The following ZNF254 variants were observed in gnomAD, a reference collection of about 807,000 sequenced individuals.
ZNF254 encodes zinc finger protein 254, also known as CTD-2017D11.1.
A neutral mutation model predicts 12.4 loss-of-function variants in ZNF254; 10 were observed. The ratio of observed to expected loss-of-function variants is 0.80; its 90% CI spans 0.50 to 1.36. The LOEUF is 1.36. ZNF254 is among the 40% of genes most tolerant of loss of function. ZNF254 has a pLI of 0.00. For synonymous variants in ZNF254, 305 were observed against 253.4 expected (o/e 1.20, Z -1.93); for missense variants, 996 against 763.9 (o/e 1.30, Z -3.58).
At chr19:24,102,663 G>GA (rs1973105949) in intron 1 of ZNF254, among the ~76,000 whole-genome samples, 2 of 152,070 alleles carry the variant, frequency 1.3e-5, no homozygotes, top group South Asian at 4.1e-4. Flanking sequence ...CAGATAAATG[G>GA]AAAAATAACA....
chr19:24,093,766 C>G (rs1217544276), intron 1 of ZNF254, among the ~76,000 whole-genome samples: 1 of 151,990 alleles, frequency 6.6e-6, no homozygotes, highest in Non-Finnish European at 1.5e-5. Flanking sequence ...CTTGGCTATT[C>G]AGACTCTTTG....
intron 3 of ZNF254, among the ~76,000 whole-genome samples, chr19:24,113,643 C>G (rs1357529285): frequency 2.0e-5 from 3 of 152,140 alleles, no homozygotes; most frequent in Non-Finnish European, 4.4e-5. Flanking sequence ...GATGCCCTCT[C>G]TCAACACTCC....
intron 1 of ZNF254, among the ~76,000 whole-genome samples, chr19:24,040,632 T>C (rs540247250): frequency 5.9e-5 from 9 of 152,320 alleles, no homozygotes; most frequent in African/African-American, 1.4e-4. Context: ...TCAAAATTTT[T>C]TGAGGCTTAA....
intron 1 of ZNF254, among the ~76,000 whole-genome samples, chr19:24,089,810 G>T (rs1051441275): frequency 1.3e-5 from 2 of 151,964 alleles, no homozygotes; most frequent in Non-Finnish European, 2.9e-5. Context: ...TACCAGTATT[G>T]AGGAGAAAAC....
At chr19:24,087,668 G>A (rs1972111273) in intron 1 of ZNF254, among the ~76,000 whole-genome samples, 1 of 152,150 alleles carries the variant, frequency 6.6e-6, no homozygotes. Context: ...TTCATGAACG[G>A]GAAGAGCTTT....
intron 1 of ZNF254, among the ~76,000 whole-genome samples, chr19:24,097,007 A>G (rs1308922416): frequency 1.3e-5 from 2 of 152,166 alleles, no homozygotes; most frequent in Admixed American, 1.3e-4. Context: ...CCACATTAAG[A>G]TAAGAGAAAA....
At chr19:24,060,982 T>A (rs936105051) in intron 2 of ZNF254, among the ~76,000 whole-genome samples, 2 of 152,252 alleles carry the variant, frequency 1.3e-5, no homozygotes, top group Middle Eastern at 3.4e-3. Context: ...CTACCCTCAT[T>A]GATTTTTGTG....
intron 1 of ZNF254, among the ~76,000 whole-genome samples, chr19:24,038,783 T>G (rs1906841044): frequency 6.6e-6 from 1 of 152,222 alleles, no homozygotes. Flanking sequence ...TAGCATACTT[T>G]TACCAGATTT....
chr19:24,121,579 C>T (rs1461002668), intron 3 of ZNF254, among the ~76,000 whole-genome samples: 1 of 151,774 alleles, frequency 6.6e-6, no homozygotes, highest in Non-Finnish European at 1.5e-5. Flanking sequence ...TTTTTTGAGA[C>T]AGAGTTTTGC....
intron 1 of ZNF254, among the ~76,000 whole-genome samples, chr19:24,093,389 T>C (rs977173002): frequency 6.6e-6 from 1 of 152,152 alleles, no homozygotes; most frequent in African/African-American, 2.4e-5. Flanking sequence ...TAGAATGACA[T>C]TTCCTAAGTT....
At chr19:24,098,661 T>G (rs1972812547) in intron 1 of ZNF254, 1 of 152,214 alleles carries the variant, frequency 6.6e-6, no homozygotes, top group Admixed American at 6.5e-5. Context: ...ATATCTAATC[T>G]CAGGTTTTTT....
At chr19:24,056,464 G>T (rs59206840) in intron 2 of ZNF254, among the ~76,000 whole-genome samples, 22,553 of 152,066 alleles carry the variant, frequency 0.15, 1,928 homozygotes, top group Middle Eastern at 0.23. Context: ...CAAGGGAGAT[G>T]GAGACATATT....
intron 3 of ZNF254, among the ~76,000 whole-genome samples, chr19:24,113,958 T>C (rs970169510): frequency 2.0e-5 from 3 of 152,010 alleles, no homozygotes; most frequent in African/African-American, 7.2e-5. Flanking sequence ...TACCTAGGAA[T>C]CCAACTTACA....
chr19:24,105,919 G>A lies in ZNF254; in HGVS notation c.31-21G>A, dbSNP rs748363396. On this transcript the variant is annotated intron_variant, in intron 1 of 3. Coordinates refer to ENST00000357002, the MANE Select transcript of ZNF254 (RefSeq NM_203282.4). ...GCCGATAGCCACTTTGTAAATATGTGTGTTTGTGTGTGTTTTCCAGGGACT... is the reference window on the plus strand; with the variant it reads ...GCCGATAGCCACTTTGTAAATATGTATGTTTGTGTGTGTTTTCCAGGGACT... The A allele has an allele frequency of 5.7e-6, 9 of 1,579,494 alleles. No individual in the cohort carries two copies. In the Admixed American group the frequency reaches 1.4e-4, roughly 24 times the overall value.
At chr19:24,058,273 C>T (rs1261202123) in intron 2 of ZNF254, among the ~76,000 whole-genome samples, 4 of 152,158 alleles carry the variant, frequency 2.6e-5, no homozygotes, top group Admixed American at 6.6e-5. Flanking sequence ...CAGATGGAAT[C>T]GTGACATATC....
chr19:24,041,444 GA>G (rs1286767976), intron 1 of ZNF254, among the ~76,000 whole-genome samples: 12 of 152,232 alleles, frequency 7.9e-5, no homozygotes, highest in African/African-American at 2.9e-4. Flanking sequence ...GGCAATGGGG[GA>G]CTTAGCACCC....
intron 3 of ZNF254, among the ~76,000 whole-genome samples, chr19:24,118,859 C>T (rs944976700): frequency 6.6e-6 from 1 of 152,040 alleles, no homozygotes; most frequent in African/African-American, 2.4e-5. Flanking sequence ...CACCTATAAT[C>T]CTAGCACTTT....
chr19:24,050,125 A>C lies in ZNF254; in HGVS notation c.-94+3846A>C, dbSNP rs532235327. ...ATTGTAACATATCTGGGGCCCTTTGACTATTTTATTTTATTTATTGTATTA... is the reference window on the plus strand; with the variant it reads ...ATTGTAACATATCTGGGGCCCTTTGCCTATTTTATTTTATTTATTGTATTA... On this transcript the variant is annotated intron_variant, in intron 2 of 4. Coordinates refer to the ZNF254 transcript ENST00000613065. Among the ~76,000 whole-genome samples, 146 of 151,658 alleles carry C rather than the reference A, an allele frequency of 9.6e-4. 2 individuals carry two copies. The highest frequency in any genetic ancestry group is 1.4e-3 in the African/African-American group (56 of 41,328).
At position 24,127,408 on chromosome 19, in the gene ZNF254, G is replaced by A. The variant is rs776249215; in HGVS notation, c.1408G>A (p.Ala470Thr). 7 of 1,611,664 alleles carry A rather than the reference G, an allele frequency of 4.3e-6. No homozygotes were observed. The highest frequency in any genetic ancestry group is 4.5e-5 in the East Asian group (2 of 44,716). Reference protein sequence around the residue: ...KPYKCEECGKAFIWSSTLTRH... With the variant: ...KPYKCEECGKTFIWSSTLTRH... ...CTACAAATGTGAAGAATGTGGCAAG[G>A]CATTTATATGGTCCTCAACCCTAAC... The change falls in exon 4 of 4, where the codon GCA (alanine) becomes ACA (threonine). Residue 470 changes from alanine to threonine, a missense_variant. Transcript: ENST00000357002.
Sources: gnomAD v4.1 joint callset for allele counts (sites outside exome capture counted in the v4.1 genomes callset) on GRCh38, gnomAD v4.1.1 for gene constraint, MANE v1.5 for transcripts, NCBI Gene and HGNC (gene_info 2026-07-23, HGNC 2026-07-21) for gene names.